The following GFOD1 variants were observed in gnomAD, a reference collection of about 807,000 sequenced individuals.
GFOD1 encodes glucose-fructose oxidoreductase domain-containing protein 1.
In GFOD1, 9 loss-of-function variants were observed where a neutral mutation model predicts 25.4. The observed-to-expected ratio is 0.35, with a 90% CI of 0.21 to 0.62. The LOEUF (loss-of-function observed/expected upper bound fraction) is 0.62. Ranked by LOEUF, GFOD1 falls within the 20% of genes least tolerant of loss-of-function variation. The pLI, the probability that GFOD1 is intolerant of heterozygous loss-of-function variation, is 0.72. For synonymous variants in GFOD1, 253 were observed against 245.6 expected (o/e 1.03, Z -0.28); for missense variants, 403 against 556.9 (o/e 0.72, Z 2.78).
At chr6:13,390,829 A>AAGGAAGGAAGGAAGGAAG (rs1329717291) in intron 1 of GFOD1, among the ~76,000 whole-genome samples, 1 of 151,650 alleles carries the variant, frequency 6.6e-6, no homozygotes, top group Non-Finnish European at 1.5e-5. Flanking sequence ...GGAAGGAAGG[A>AAGGAAGGAAGGAAGGAAG]TAATAACAGT....
chr6:13,399,341 G>A (rs1174171965), intron 1 of GFOD1, among the ~76,000 whole-genome samples: 1 of 152,070 alleles, frequency 6.6e-6, no homozygotes, highest in African/African-American at 2.4e-5. Context: ...GTAAAACAAA[G>A]GCTTACTCTA....
chr6:13,449,758 G>A (rs185974854), intron 1 of GFOD1, among the ~76,000 whole-genome samples: 168 of 152,122 alleles, frequency 1.1e-3, no homozygotes, highest in African/African-American at 3.4e-3. Flanking sequence ...GCCTTTTGCC[G>A]TCCACCATGA....
intron 1 of GFOD1, among the ~76,000 whole-genome samples, chr6:13,476,009 C>T (rs945426233): frequency 1.3e-5 from 2 of 152,072 alleles, no homozygotes; most frequent in African/African-American, 4.8e-5. Context: ...TAATATGATG[C>T]CACTGCTCTG....
intron 1 of GFOD1, among the ~76,000 whole-genome samples, chr6:13,433,172 T>C (rs1757779999): frequency 6.9e-6 from 1 of 145,952 alleles, no homozygotes; most frequent in South Asian, 2.2e-4. Flanking sequence ...CAGGCTGGAG[T>C]GCAATGGCAC....
chr6:13,424,779 G>T (rs1313113101), intron 1 of GFOD1, among the ~76,000 whole-genome samples: 1 of 151,864 alleles, frequency 6.6e-6, no homozygotes, highest in African/African-American at 2.4e-5. Flanking sequence ...TTTTACAAAG[G>T]TTTTAAAAAC....
At chr6:13,469,924 C>T in intron 1 of GFOD1, 1 of 1,303,404 alleles carries the variant, frequency 7.7e-7, no homozygotes, top group South Asian at 1.2e-5. Flanking sequence ...ATGCTAGTTT[C>T]TCTTCTCTTT....
Position 13,365,373 on chromosome 6 carries a change from G to A in GFOD1, c.543C>T (p.Ile181=), listed in dbSNP as rs775043626. 1.9e-6 allele frequency: 3 copies of A among 1,614,134 alleles called. No homozygotes were observed. Among genetic ancestry groups the A allele is most frequent in the Non-Finnish European group, 1.7e-6 (2 of 1,179,982 alleles). The change falls in exon 2 of 2, where the codon ATC becomes ATT. Residue 181 remains isoleucine (I), a synonymous_variant. Transcript: ENST00000379287. The surrounding 1 kb of genome is among the most constrained non-coding windows in gnomAD (Gnocchi z 9.2). ...GGCCGGTGAGGAAGGTGAGCAGGTCGATGATGTAGGTGCCCACGGAGTGCA... is the reference window on the plus strand; with the variant it reads ...GGCCGGTGAGGAAGGTGAGCAGGTCAATGATGTAGGTGCCCACGGAGTGCA... ...GGLHSVGTYI[I]DLLTFLTGQK... is the part of the protein sequence containing the mutation.
chr6:13,387,833 G>T (rs900725807), intron 1 of GFOD1, among the ~76,000 whole-genome samples: 2 of 152,330 alleles, frequency 1.3e-5, no homozygotes, highest in Admixed American at 6.5e-5. Context: ...AATTGTCTCT[G>T]TTTGCAGATG....
At chr6:13,397,499 G>T (rs1010484994) in intron 1 of GFOD1, among the ~76,000 whole-genome samples, 2 of 152,218 alleles carry the variant, frequency 1.3e-5, no homozygotes, top group Non-Finnish European at 2.9e-5. Context: ...CTCTGGGGCA[G>T]CCTCTGCCAT....
chr6:13,374,638 TTATACATATTGCTGGGG>T (rs1010024315), intron 1 of GFOD1, among the ~76,000 whole-genome samples: 1 of 151,652 alleles, frequency 6.6e-6, no homozygotes, highest in African/African-American at 2.4e-5. Context: ...CACGTAATAA[TTATACATATTGCTGGGG>T]TATAGTGATG....
At chr6:13,372,737 C>T (rs1200103015) in intron 1 of GFOD1, among the ~76,000 whole-genome samples, 1 of 152,214 alleles carries the variant, frequency 6.6e-6, no homozygotes, top group Admixed American at 6.5e-5. Flanking sequence ...TGTTCCCTAA[C>T]ATAATCAGCC....
chr6:13,372,459 C>T lies in GFOD1; in HGVS notation c.254-6797G>A, dbSNP rs568111693. ...GACCCTAAAGCCCTTCAGGCAGCTGCTCCCCTTATATCCTCCAAGCTCAGG... is the reference window on the plus strand; with the variant it reads ...GACCCTAAAGCCCTTCAGGCAGCTGTTCCCCTTATATCCTCCAAGCTCAGG... On this transcript the variant is annotated intron_variant, in intron 1 of 1. Transcript: ENST00000379287. 3.9e-5 allele frequency among the ~76,000 whole-genome samples: 6 copies of T among 152,338 alleles called. No homozygotes were observed. The East Asian group carries it at 1.2e-3, about 29-fold the overall frequency.
intron 1 of GFOD1, among the ~76,000 whole-genome samples, chr6:13,444,216 G>A (rs1453015532): frequency 6.6e-6 from 1 of 152,156 alleles, no homozygotes; most frequent in Non-Finnish European, 1.5e-5. Context: ...CGGGAACATG[G>A]ATGGAGCTGG....
rs1785003977 is a variant in GFOD1 at position 13,364,683 on chromosome 6, C to T, written c.*60G>A. On this transcript the variant is annotated 3_prime_UTR_variant, in exon 2 of 2. Coordinates refer to ENST00000379287, the MANE Select transcript of GFOD1 (RefSeq NM_018988.4). This position sits in a 1 kb window ranked among gnomAD's most constrained non-coding sequence, Gnocchi z 4.1. The stretch of plus-strand genomic sequence containing the variant: ...CCATGGTCACCCTCTCCCCTCGGCC[C>T]TTCCCTCTCTGTGGACATCCCCTGC... 2 of 1,433,050 alleles carry T rather than the reference C, an allele frequency of 1.4e-6. No homozygotes were observed. The highest frequency in any genetic ancestry group is 3.6e-5 in the Admixed American group (2 of 56,130). The allele number at this position is 1,433,050 out of a possible 1,614,324, so 88.8% of individuals were successfully genotyped here.
intron 1 of GFOD1, among the ~76,000 whole-genome samples, chr6:13,434,781 T>C: frequency 6.6e-6 from 1 of 152,164 alleles, no homozygotes. Flanking sequence ...AGAAGCATAG[T>C]AGGTTCTCAG....
rs556158213 is a variant in GFOD1 at position 13,371,594 on chromosome 6, T to G, written c.254-5932A>C. 2.0e-5 allele frequency among the ~76,000 whole-genome samples: 3 copies of G among 152,334 alleles called. No individual in the cohort carries two copies. In the South Asian group the frequency reaches 6.2e-4, roughly 32 times the overall value. ...ATATGGACTCTATTTCACTCCAGATTAACAGGCAGTGAAAAATGAAAACCA... is the reference window on the plus strand; with the variant it reads ...ATATGGACTCTATTTCACTCCAGATGAACAGGCAGTGAAAAATGAAAACCA... On this transcript the variant is annotated intron_variant, in intron 1 of 1. Coordinates refer to ENST00000379287, the MANE Select transcript of GFOD1 (RefSeq NM_018988.4).
intron 1 of GFOD1, among the ~76,000 whole-genome samples, chr6:13,440,696 T>C (rs1757901464): frequency 6.6e-6 from 1 of 152,242 alleles, no homozygotes; most frequent in Non-Finnish European, 1.5e-5. Flanking sequence ...AAACCAGATA[T>C]GTTTCCTATT....
intron 1 of GFOD1, among the ~76,000 whole-genome samples, chr6:13,447,352 T>C (rs1019241165): frequency 3.9e-5 from 6 of 152,194 alleles, no homozygotes; most frequent in African/African-American, 1.4e-4. Flanking sequence ...TATGTCCAAA[T>C]TCCCCCCTTT....
rs1193098785 is a variant in GFOD1 at position 13,430,754 on chromosome 6, G to C, written c.253+55884C>G. ...ACAGTGGAAACCAGGGCTATCTGTGGGTCTTGGGTGGTCTGCCCTACTCCC... is the reference window on the plus strand; with the variant it reads ...ACAGTGGAAACCAGGGCTATCTGTGCGTCTTGGGTGGTCTGCCCTACTCCC... On this transcript the variant is annotated intron_variant, in intron 1 of 1. Transcript: ENST00000379287. This position sits in a 1 kb window ranked among gnomAD's most constrained non-coding sequence, Gnocchi z 4.1. Among the ~76,000 whole-genome samples, 1 of 152,090 alleles carries C rather than the reference G, an allele frequency of 6.6e-6. No individual in the cohort carries two copies. The highest frequency in any genetic ancestry group is 1.5e-5 in the Non-Finnish European group (1 of 68,022).
Sources: gnomAD v4.1 joint callset for allele counts (sites outside exome capture counted in the v4.1 genomes callset) on GRCh38, gnomAD v4.1.1 for gene constraint, Gnocchi (gnomAD v3.1) non-coding constraint, MANE v1.5 for transcripts, NCBI Gene and HGNC (gene_info 2026-07-23, HGNC 2026-07-21) for gene names.